ACACB: variants seen among roughly 807,000 people sequenced by gnomAD.
ACACB encodes the protein acetyl-CoA carboxylase beta.
Under a neutral mutation model 278.8 loss-of-function variants are expected in ACACB, and 209 were observed. The observed-to-expected ratio is 0.75, with a 90% confidence interval of 0.67 to 0.84. ACACB has a LOEUF of 0.84. Among genes scored for constraint, ACACB ranks in the 40% least tolerant of loss-of-function variants. The pLI is 0.00. For missense variants in ACACB, 2,850 were observed against 3,269.0 expected (o/e 0.87, Z 3.13); for synonymous variants, 1,174 against 1,285.6 (o/e 0.91, Z 1.86).
At chr12:109,242,110 T>C (rs1478302910) in intron 36 of ACACB, 1 of 200,948 alleles carries the variant, frequency 5.0e-6, no homozygotes. Flanking sequence ...AAACAGGAAA[T>C]TGACATTGGC....
At chr12:109,119,700 C>T (rs2135933629) in intron 1 of ACACB, among the ~76,000 whole-genome samples, 1 of 152,110 alleles carries the variant, frequency 6.6e-6, no homozygotes, top group Admixed American at 6.5e-5. Context: ...AGTTCAAGGC[C>T]AGCCTGACCA....
chr12:109,225,513 G>A (rs78763736), intron 27 of ACACB, among the ~76,000 whole-genome samples: 16,687 of 152,304 alleles, frequency 0.11, 1,037 homozygotes, highest in African/African-American at 0.15. Context: ...GATTACAGGC[G>A]TGTGCCACCA....
chr12:109,140,303 C>T (rs926007257), intron 2 of ACACB, among the ~76,000 whole-genome samples: 14 of 137,952 alleles, frequency 1.0e-4, no homozygotes, highest in African/African-American at 3.5e-4. Flanking sequence ...TCCTTCCTTC[C>T]TTCCTTCCTT....
At chr12:109,250,173 T>G in intron 41 of ACACB, 69 bp downstream of exon 41, 1 of 1,453,824 alleles carries the variant, frequency 6.9e-7, no homozygotes, top group East Asian at 2.6e-5. Context: ...TGTCACAAAA[T>G]TAGAGAGAAT....
At chr12:109,142,984 C>T (rs2043156527) in intron 2 of ACACB, among the ~76,000 whole-genome samples, 1 of 152,140 alleles carries the variant, frequency 6.6e-6, no homozygotes, top group African/African-American at 2.4e-5. Flanking sequence ...CTTACTTTGT[C>T]CCAGCAAACA....
chr12:109,172,463 A>T (rs561852683), intron 6 of ACACB, 107 bp downstream of exon 6: 1 of 1,002,174 alleles, frequency 1.0e-6, no homozygotes, highest in East Asian at 2.5e-5. Context: ...GGTCCGTTTG[A>T]TTTCCCACCT....
At chr12:109,247,455 C>T (rs1167215697) in intron 39 of ACACB, 151 bp from the exon 40 acceptor site, 18 of 618,496 alleles carry the variant, frequency 2.9e-5, no homozygotes, top group South Asian at 7.8e-5. Flanking sequence ...GTTATTAATA[C>T]GGTATTTACA....
At chr12:109,259,564 AAAAAAAAAAACAAAAAAAC>A (rs1380533586) in intron 47 of ACACB, among the ~76,000 whole-genome samples, 2 of 114,222 alleles carry the variant, frequency 1.8e-5, no homozygotes, top group African/African-American at 3.3e-5. Flanking sequence ...CCCCCATCTC[AAAAAAAAAAACAAAAAAAC>A]AAAAAAAAAA....
intron 40 of ACACB, among the ~76,000 whole-genome samples, chr12:109,248,009 C>T (rs1226393222): frequency 6.6e-6 from 1 of 152,168 alleles, no homozygotes; most frequent in Non-Finnish European, 1.5e-5. Context: ...ACTGATGCAG[C>T]GGTGACTTGG....
chr12:109,206,636 C>T, intron 19 of ACACB, 74 bp from the exon 20 acceptor site: 1 of 1,554,008 alleles, frequency 6.4e-7, no homozygotes, highest in Non-Finnish European at 8.8e-7. Context: ...ATCTGTCCTG[C>T]CTCCCGTTCT....
intron 50 of ACACB, 24 bp downstream of exon 50, chr12:109,264,410 G>A: frequency 6.2e-7 from 1 of 1,613,750 alleles, no homozygotes; most frequent in Non-Finnish European, 8.5e-7. Flanking sequence ...CTGCCGTGTA[G>A]GGTGCAAAGA....
rs1393751059 is a variant in ACACB at position 109,250,054 on chromosome 12, A to G, written c.5740A>G (p.Ile1914Val). ...GGAGAATCTGAGGGGCTCAGGCATG[A>G]TTGCTGGGGAGTCCTCTCTGGCTTA... ...GVENLRGSGM[I>V]AGESSLAYEE... The change falls in exon 41 of 53, where the codon ATT becomes GTT. Residue 1914 changes from isoleucine to valine, a missense_variant. Physicochemically the swap from Ile to Val is conservative, Grantham distance 29. Coordinates refer to ENST00000338432, the MANE Select transcript of ACACB (RefSeq NM_001093.4). 6.2e-7 allele frequency: 1 copy of G among 1,613,430 alleles called. No homozygotes were observed. Among genetic ancestry groups the G allele is most frequent in the Non-Finnish European group, 8.5e-7 (1 of 1,179,722 alleles).
At chr12:109,209,847 G>A (rs1168559941) in intron 21 of ACACB, among the ~76,000 whole-genome samples, 1 of 137,710 alleles carries the variant, frequency 7.3e-6, no homozygotes. Flanking sequence ...ACACACACGT[G>A]TGTATATATG....
At chr12:109,197,754 A>T (rs1011912425) in intron 17 of ACACB, among the ~76,000 whole-genome samples, 3 of 152,146 alleles carry the variant, frequency 2.0e-5, no homozygotes, top group African/African-American at 2.4e-5. Flanking sequence ...GAGATCACGC[A>T]ATGAAACAGA....
chr12:109,118,958 A>G (rs1388590554), intron 1 of ACACB, among the ~76,000 whole-genome samples: 1 of 152,206 alleles, frequency 6.6e-6, no homozygotes, highest in African/African-American at 2.4e-5. Context: ...CATTTATTCC[A>G]GGAATCCAGG....
At chr12:109,134,178 C>A (rs1041631370) in intron 1 of ACACB, among the ~76,000 whole-genome samples, 4 of 152,150 alleles carry the variant, frequency 2.6e-5, no homozygotes, top group African/African-American at 7.2e-5. Context: ...CCAAGCACCA[C>A]CCAGTCGGTC....
chr12:109,195,830 C>T (rs1194194153), intron 16 of ACACB, among the ~76,000 whole-genome samples: 2 of 152,046 alleles, frequency 1.3e-5, no homozygotes, highest in Admixed American at 6.6e-5. Context: ...AGATGCTGCC[C>T]TTATGTGGTG....
At position 109,239,904 on chromosome 12, in the gene ACACB, G is replaced by A. The variant is rs748199730; in HGVS notation, c.4737G>A (p.Ala1579=). The part of the protein sequence containing the change: ...LLEAMDELEV[A]FNNTSVRTDC... ...AGGCCATGGACGAGCTGGAGGTGGC[G>A]TTCAATAACACCAGCGTGCGCACCG... The change falls in exon 35 of 53, where the codon GCG becomes GCA. Residue 1579 remains alanine (A), a synonymous_variant. Transcript: ENST00000338432. The A allele has an allele frequency of 1.2e-5, 20 of 1,614,032 alleles. No individual in the cohort carries two copies. The highest frequency in any genetic ancestry group is 8.3e-5 in the Admixed American group (5 of 60,004).
chr12:109,209,858 TATATACAC>T (rs1481507723), intron 21 of ACACB, among the ~76,000 whole-genome samples: 146 of 134,048 alleles, frequency 1.1e-3, no homozygotes, highest in African/African-American at 4.5e-3. Context: ...TGTATATATG[TATATACAC>T]ACATACACAC....
Sources: allele counts gnomAD v4.1 joint callset (sites outside exome capture counted in the v4.1 genomes callset), GRCh38; gene constraint gnomAD v4.1.1; transcripts MANE v1.5; gene names NCBI Gene and HGNC (gene_info 2026-07-23, HGNC 2026-07-21).